AUTS2: variants seen among roughly 807,000 people sequenced by gnomAD.
The protein encoded by AUTS2 is autism susceptibility gene 2 protein.
Under a neutral mutation model 112.4 loss-of-function variants are expected in AUTS2, and 17 were observed. The ratio of observed to expected loss-of-function variants is 0.15; its 90% CI spans 0.10 to 0.23. The LOEUF is 0.23. Among genes scored for constraint, AUTS2 ranks in the 10% least tolerant of loss-of-function variants. The pLI is 1.00. For synonymous variants in AUTS2, 751 were observed against 702.7 expected, an observed-to-expected ratio of 1.07 and a Z score of -1.09; for missense variants, 1,510 against 1,701.6, an observed-to-expected ratio of 0.89 and a Z score of 1.98.
chr7:70,456,881 C>G (rs1796761546), intron 5 of AUTS2, among the ~76,000 whole-genome samples: 1 of 152,210 alleles, frequency 6.6e-6, no homozygotes, highest in African/African-American at 2.4e-5. Context: ...GTGTGACTTG[C>G]TTGGGCCCCT....
At chr7:70,055,873 A>G (rs1409904638) in intron 2 of AUTS2, among the ~76,000 whole-genome samples, 3 of 152,026 alleles carry the variant, frequency 2.0e-5, no homozygotes, top group African/African-American at 7.2e-5. Context: ...ATTTTTTTTG[A>G]AATGGAGTCT....
At chr7:69,699,024 T>G (rs1797682388) in intron 1 of AUTS2, among the ~76,000 whole-genome samples, 1 of 152,166 alleles carries the variant, frequency 6.6e-6, no homozygotes, top group Non-Finnish European at 1.5e-5. Context: ...ATTAAATTGG[T>G]GTTTATCTCC....
At chr7:70,083,590 A>G (rs938921446) in intron 2 of AUTS2, among the ~76,000 whole-genome samples, 6 of 152,198 alleles carry the variant, frequency 3.9e-5, no homozygotes, top group African/African-American at 1.4e-4. Flanking sequence ...TGAACTGATC[A>G]TATTTAAACT....
intron 5 of AUTS2, among the ~76,000 whole-genome samples, chr7:70,441,165 C>T (rs1199264800): frequency 6.6e-6 from 1 of 152,150 alleles, no homozygotes; most frequent in African/African-American, 2.4e-5. Context: ...AATCCTTCTC[C>T]TTTTCCTATC....
intron 1 of AUTS2, among the ~76,000 whole-genome samples, chr7:69,773,177 T>C (rs951255169): frequency 5.9e-5 from 9 of 152,138 alleles, no homozygotes; most frequent in Non-Finnish European, 1.5e-5. Flanking sequence ...TCTCTTGCCT[T>C]ACATGGAAAA....
intron 5 of AUTS2, among the ~76,000 whole-genome samples, chr7:70,438,501 T>A (rs181057851): frequency 6.6e-6 from 1 of 152,280 alleles, no homozygotes; most frequent in African/African-American, 2.4e-5. Context: ...GCCTCTGTTC[T>A]GCCCCATGCC....
chr7:70,407,692 G>A (rs1470105379), intron 4 of AUTS2, among the ~76,000 whole-genome samples: 1 of 152,148 alleles, frequency 6.6e-6, no homozygotes, highest in Non-Finnish European at 1.5e-5. Flanking sequence ...GCTAAGGTAG[G>A]AGGATTGCTT....
At chr7:70,558,504 A>T (rs1801343815) in intron 5 of AUTS2, among the ~76,000 whole-genome samples, 1 of 152,166 alleles carries the variant, frequency 6.6e-6, no homozygotes. Flanking sequence ...GTCCCCATGA[A>T]GGTGGCCTGT....
intron 5 of AUTS2, among the ~76,000 whole-genome samples, chr7:70,638,620 C>G (rs1805647272): frequency 6.6e-6 from 1 of 152,204 alleles, no homozygotes; most frequent in African/African-American, 2.4e-5. Context: ...CTGTCACACA[C>G]ACATTATTTA....
chr7:70,608,475 C>T (rs1043444705), intron 5 of AUTS2, among the ~76,000 whole-genome samples: 1 of 152,172 alleles, frequency 6.6e-6, no homozygotes, highest in Non-Finnish European at 1.5e-5. Flanking sequence ...TTAAATGCCT[C>T]TGCCCATAGT....
chr7:70,146,533 G>A (rs1170791603), intron 4 of AUTS2, among the ~76,000 whole-genome samples: 1 of 152,004 alleles, frequency 6.6e-6, no homozygotes, highest in Middle Eastern at 3.2e-3. Flanking sequence ...TGAAGCAATG[G>A]AATTACTTAC....
In AUTS2 at chr7:70,762,864, A is replaced by C. The variant is rs773870309; in HGVS notation, c.743-6A>C. 6.2e-7 allele frequency: 1 copy of C among 1,604,044 alleles called. No homozygotes were observed. Among genetic ancestry groups the C allele is most frequent in the South Asian group, 1.1e-5 (1 of 90,872 alleles). On this transcript the variant is annotated splice_polypyrimidine_tract_variant and splice_region_variant and intron_variant, in intron 6 of 18. Coordinates refer to ENST00000342771, the MANE Select transcript of AUTS2 (RefSeq NM_015570.4). ...TGTGGTTTTGTCTTTGCTCTCTCCC[A>C]TGCAGATCCGGAGTTAGGTGTTGGC...
intron 2 of AUTS2, among the ~76,000 whole-genome samples, chr7:69,971,655 T>C (rs1466724815): frequency 6.6e-6 from 1 of 152,184 alleles, no homozygotes; most frequent in Admixed American, 6.5e-5. Context: ...TGCAATCACT[T>C]TTCTCCATTT....
At chr7:69,680,122 T>C (rs903234586) in intron 1 of AUTS2, among the ~76,000 whole-genome samples, 5 of 152,260 alleles carry the variant, frequency 3.3e-5, no homozygotes, top group African/African-American at 9.6e-5. Flanking sequence ...GTTATTCTTA[T>C]CATGAAGTGG....
intron 1 of AUTS2, among the ~76,000 whole-genome samples, chr7:69,841,212 A>G (rs1442602092): frequency 2.6e-5 from 4 of 152,198 alleles, no homozygotes; most frequent in Admixed American, 6.5e-5. Context: ...ACACTGAGTA[A>G]TTTATAAGGA....
At chr7:70,682,757 G>C (rs1394282602) in intron 5 of AUTS2, among the ~76,000 whole-genome samples, 1 of 152,246 alleles carries the variant, frequency 6.6e-6, no homozygotes, top group Non-Finnish European at 1.5e-5. Context: ...CTTCCTCTCT[G>C]TTCCACATGG....
At chr7:70,292,120 C>T (rs948750657) in intron 4 of AUTS2, 2 of 152,206 alleles carry the variant, frequency 1.3e-5, no homozygotes, top group Admixed American at 6.5e-5. Context: ...ATCTTTGCTT[C>T]CATGATGAGC....
At chr7:70,450,931 A>G (rs991751594) in intron 5 of AUTS2, among the ~76,000 whole-genome samples, 1 of 152,126 alleles carries the variant, frequency 6.6e-6, no homozygotes, top group Non-Finnish European at 1.5e-5. Context: ...TGATGCCATC[A>G]ATCACACAGC....
At position 69,734,838 on chromosome 7, in the gene AUTS2, G is replaced by T. The variant is rs368587406; in HGVS notation, c.309+134876G>T. ...TGAAAAGGTTTTTATATAATTTGAGGTCTTCTCAGTTGAGAGTTTGTGTCT... is the reference window on the plus strand; with the variant it reads ...TGAAAAGGTTTTTATATAATTTGAGTTCTTCTCAGTTGAGAGTTTGTGTCT... On this transcript the variant is annotated intron_variant, in intron 1 of 18. Coordinates refer to ENST00000342771, the MANE Select transcript of AUTS2 (RefSeq NM_015570.4). Among the ~76,000 whole-genome samples, 6 of 152,186 alleles carry T rather than the reference G, an allele frequency of 3.9e-5. No individual in the cohort carries two copies. In the South Asian group the frequency reaches 1.2e-3, roughly 32 times the overall value.
Sources: gnomAD v4.1 joint callset for allele counts (sites outside exome capture counted in the v4.1 genomes callset) on GRCh38, gnomAD v4.1.1 for gene constraint, MANE v1.5 for transcripts, NCBI Gene and HGNC (gene_info 2026-07-23, HGNC 2026-07-21) for gene names.